P4HA1: variants seen among roughly 807,000 people sequenced by gnomAD.
The protein encoded by P4HA1 is prolyl 4-hydroxylase subunit alpha-1.
Under a neutral mutation model 72.8 loss-of-function variants are expected in P4HA1, and 24 were observed. The observed-to-expected ratio is 0.33, with a 90% CI of 0.24 to 0.46. The LOEUF is 0.46. P4HA1 is among the 20% of genes least tolerant of loss of function. The probability of loss-of-function intolerance (pLI) is 1.00; values close to 1 mark genes in which losing one functional copy is unlikely to be tolerated. For synonymous variants in P4HA1, 201 were observed against 218.8 expected, an observed-to-expected ratio of 0.92 and a Z score of 0.72; for missense variants, 446 against 640.6, an observed-to-expected ratio of 0.70 and a Z score of 3.28.
rs190682798 is a variant in P4HA1 at position 73,092,865 on chromosome 10, A to C, written c.-33+3901T>G. ...ACCAGGCATGGTGGCTCACACCTAT[A>C]ATCCCAACACTTTGTGGGGCAGATG... On this transcript the variant is annotated intron_variant, in intron 1 of 14. Transcript: ENST00000394890. Among the ~76,000 whole-genome samples the C allele has an allele frequency of 3.2e-3, 494 of 152,096 alleles. 1 individual carries two copies. Among genetic ancestry groups the C allele is most frequent in the Non-Finnish European group, 5.4e-3 (369 of 67,980 alleles).
chr10:73,071,928 C>A, intron 4 of P4HA1, 101 bp downstream of exon 4: 1 of 888,368 alleles, frequency 1.1e-6, no homozygotes, highest in Non-Finnish European at 1.7e-6. Flanking sequence ...AGTTACAACA[C>A]TGAACTGAAC....
At chr10:73,015,458 A>C (rs1323963259) in intron 11 of P4HA1, among the ~76,000 whole-genome samples, 3 of 152,214 alleles carry the variant, frequency 2.0e-5, no homozygotes, top group Non-Finnish European at 4.4e-5. Flanking sequence ...CTAACATGAC[A>C]CAAGTGGAAA....
chr10:73,011,401 G>C (rs570553921), intron 12 of P4HA1, among the ~76,000 whole-genome samples: 2 of 152,242 alleles, frequency 1.3e-5, no homozygotes, highest in South Asian at 4.1e-4. Flanking sequence ...AATCTCCATG[G>C]AGGCAGGAAT....
intron 12 of P4HA1, among the ~76,000 whole-genome samples, chr10:73,011,456 T>C (rs114311400): frequency 6.6e-6 from 1 of 152,264 alleles, no homozygotes; most frequent in African/African-American, 2.4e-5. Flanking sequence ...TCTAGAACAA[T>C]AGTACCTCAA....
At chr10:73,095,203 G>C (rs1012649947) in intron 1 of P4HA1, among the ~76,000 whole-genome samples, 1 of 95,452 alleles carries the variant, frequency 1.0e-5, no homozygotes, top group African/African-American at 3.8e-5. Flanking sequence ...TCACATTTCA[G>C]ATTCTTAAAT....
chr10:73,077,101 T>C (rs1186131898), intron 1 of P4HA1, among the ~76,000 whole-genome samples: 2 of 152,236 alleles, frequency 1.3e-5, no homozygotes, highest in African/African-American at 4.8e-5. Flanking sequence ...TTCTAGAATG[T>C]AGCAGATGTA....
At chr10:73,055,847 T>C (rs1841133980) in intron 5 of P4HA1, among the ~76,000 whole-genome samples, 1 of 152,238 alleles carries the variant, frequency 6.6e-6, no homozygotes, top group Non-Finnish European at 1.5e-5. Flanking sequence ...TTGTCACTTA[T>C]TTAATCCTCA....
chr10:73,069,148 G>A (rs1564633808), intron 4 of P4HA1, among the ~76,000 whole-genome samples, 165 bp from the exon 5 acceptor site: 2 of 152,108 alleles, frequency 1.3e-5, no homozygotes, highest in East Asian at 3.9e-4. Flanking sequence ...ATAAGACTTG[G>A]CATACTTCTA....
chr10:73,091,060 CAAAA>C (rs202009101), intron 1 of P4HA1, among the ~76,000 whole-genome samples: 7 of 49,382 alleles, frequency 1.4e-4, no homozygotes, highest in South Asian at 4.6e-4. Context: ...GAGTCCATCT[CAAAA>C]AAAAAAAAAA....
intron 5 of P4HA1, among the ~76,000 whole-genome samples, chr10:73,059,020 C>T (rs1356136382): frequency 6.6e-6 from 1 of 152,012 alleles, no homozygotes. Flanking sequence ...TCAGGTGATC[C>T]ACCCACCTTG....
chr10:73,060,819 T>A (rs901731639), intron 5 of P4HA1, among the ~76,000 whole-genome samples: 18 of 151,360 alleles, frequency 1.2e-4, no homozygotes, highest in African/African-American at 3.2e-4. Flanking sequence ...AAAAAAAAAA[T>A]AATAATATCC....
chr10:73,043,931 AG>A, intron 9 of P4HA1: 1 of 1,613,130 alleles, frequency 6.2e-7, no homozygotes, highest in Non-Finnish European at 8.5e-7. Context: ...TTCCAGTCTC[AG>A]GGTCATGTAC....
intron 1 of P4HA1, among the ~76,000 whole-genome samples, chr10:73,094,420 C>G (rs1438474897): frequency 6.6e-6 from 1 of 152,106 alleles, no homozygotes; most frequent in East Asian, 1.9e-4. Flanking sequence ...AAGTGACATA[C>G]AAAATTCCAT....
chr10:73,057,351 G>C (rs1047495064), intron 5 of P4HA1, among the ~76,000 whole-genome samples: 1 of 151,968 alleles, frequency 6.6e-6, no homozygotes. Context: ...TTAGCCGGGC[G>C]TGGTGGTGGG....
At chr10:73,033,294 C>T (rs1050891133) in intron 9 of P4HA1, among the ~76,000 whole-genome samples, 2 of 152,204 alleles carry the variant, frequency 1.3e-5, no homozygotes, top group African/African-American at 4.8e-5. Context: ...ACCTATCACC[C>T]ACAGAGAACG....
At chr10:73,078,068 C>CAA (rs61030339) in intron 1 of P4HA1, among the ~76,000 whole-genome samples, 781 of 59,378 alleles carry the variant, frequency 0.013, 19 homozygotes, top group African/African-American at 0.038. Context: ...GCTTATGTGT[C>CAA]AAAAAAAAAA....
chr10:73,043,764 T>C (rs1840790340), intron 9 of P4HA1: 1 of 758,548 alleles, frequency 1.3e-6, no homozygotes, highest in Non-Finnish European at 2.3e-6. Flanking sequence ...AGCACAGATA[T>C]TATCAAACAT....
intron 1 of P4HA1, among the ~76,000 whole-genome samples, chr10:73,081,648 T>C (rs1322756777): frequency 1.3e-5 from 2 of 152,160 alleles, no homozygotes; most frequent in Middle Eastern, 3.2e-3. Context: ...AGTTCTACCA[T>C]ATAGTAAATA....
At chr10:73,084,958 G>A (rs908461779) in intron 1 of P4HA1, among the ~76,000 whole-genome samples, 11 of 152,054 alleles carry the variant, frequency 7.2e-5, no homozygotes, top group Non-Finnish European at 1.2e-4. Flanking sequence ...TTGGCAACAT[G>A]GTGAAACCCA....
Sources: gnomAD v4.1 joint callset for allele counts (sites outside exome capture counted in the v4.1 genomes callset) on GRCh38, gnomAD v4.1.1 for gene constraint, MANE v1.5 for transcripts, NCBI Gene and HGNC (gene_info 2026-07-23, HGNC 2026-07-21) for gene names.